KLF12: variants seen among roughly 807,000 people sequenced by gnomAD.
The protein encoded by KLF12 is Krueppel-like factor 12.
KLF12 carries 9 observed loss-of-function variants against 37.8 expected under a neutral mutation model. That is an observed-to-expected ratio of 0.24 (90% confidence interval 0.14 to 0.42). KLF12 has a LOEUF of 0.42. Among genes scored for constraint, KLF12 ranks in the 10% least tolerant of loss-of-function variants. The pLI is 1.00. For synonymous variants in KLF12, 208 were observed against 202.1 expected (o/e 1.03, Z -0.25); for missense variants, 411 against 516.0 (o/e 0.80, Z 1.97).
At chr13:74,201,623 A>C in the KLF12 span, among the ~76,000 whole-genome samples, 2 of 152,232 alleles carry the variant, frequency 1.3e-5, no homozygotes, top group South Asian at 2.1e-4. Flanking sequence ...TTGAATCCTC[A>C]TGATGAACCT....
chr13:73,818,767 G>C (rs1443239496), intron 4 of KLF12, among the ~76,000 whole-genome samples: 1 of 152,254 alleles, frequency 6.6e-6, no homozygotes, highest in African/African-American at 2.4e-5. Context: ...GGAGAGGAGA[G>C]GGCCATACAC....
At chr13:74,284,500 A>G in the KLF12 span, among the ~76,000 whole-genome samples, 1 of 152,110 alleles carries the variant, frequency 6.6e-6, no homozygotes, top group Non-Finnish European at 1.5e-5. Context: ...CCATTGGCCC[A>G]CTCTGCTAAG....
intron 5 of KLF12, among the ~76,000 whole-genome samples, chr13:73,780,242 T>C (rs1159744315): frequency 6.6e-6 from 1 of 152,190 alleles, no homozygotes; most frequent in Non-Finnish European, 1.5e-5. Flanking sequence ...TCTTTTTTCT[T>C]TTTTAAAAAT....
chr13:74,302,806 A>T, the KLF12 span, among the ~76,000 whole-genome samples: 1 of 152,052 alleles, frequency 6.6e-6, no homozygotes, highest in Non-Finnish European at 1.5e-5. Flanking sequence ...TTCTAAAAGG[A>T]GAGGGGAAAT....
chr13:73,767,970 T>A (rs1229915161), intron 5 of KLF12, among the ~76,000 whole-genome samples: 1 of 152,152 alleles, frequency 6.6e-6, no homozygotes, highest in Non-Finnish European at 1.5e-5. Flanking sequence ...TCAGCACTCA[T>A]GAATTGCTGG....
chr13:73,939,684 A>G (rs750739187), intron 3 of KLF12, among the ~76,000 whole-genome samples: 1 of 152,230 alleles, frequency 6.6e-6, no homozygotes, highest in Non-Finnish European at 1.5e-5. Flanking sequence ...GTACCCACCA[A>G]AGGCAGGCAG....
At chr13:74,198,483 C>T in the KLF12 span, among the ~76,000 whole-genome samples, 1 of 151,514 alleles carries the variant, frequency 6.6e-6, no homozygotes, top group Non-Finnish European at 1.5e-5. Flanking sequence ...CTGTAATCCT[C>T]TGTTAGACCT....
chr13:73,794,376 G>A (rs1881849843), intron 5 of KLF12, among the ~76,000 whole-genome samples: 1 of 152,166 alleles, frequency 6.6e-6, no homozygotes, highest in Non-Finnish European at 1.5e-5. Flanking sequence ...TATGAGAATC[G>A]CTTGAACCCA....
chr13:74,264,183 A>T, the KLF12 span, among the ~76,000 whole-genome samples: 1 of 152,298 alleles, frequency 6.6e-6, no homozygotes, highest in East Asian at 1.9e-4. Flanking sequence ...CAATTTGCTG[A>T]TGTTGAATAA....
At chr13:73,830,967 C>T (rs1186762384) in intron 4 of KLF12, among the ~76,000 whole-genome samples, 1 of 149,510 alleles carries the variant, frequency 6.7e-6, no homozygotes, top group Non-Finnish European at 1.5e-5. Flanking sequence ...TATTTAGCAA[C>T]ATGGAATTAC....
At chr13:73,726,030 A>G (rs550735963) in intron 6 of KLF12, among the ~76,000 whole-genome samples, 17 of 151,864 alleles carry the variant, frequency 1.1e-4, no homozygotes, top group Non-Finnish European at 2.5e-4. Flanking sequence ...CACCATGCCC[A>G]GCTAATTTTG....
chr13:73,838,043 C>T (rs535268181), intron 4 of KLF12, among the ~76,000 whole-genome samples: 1 of 152,250 alleles, frequency 6.6e-6, no homozygotes, highest in East Asian at 1.9e-4. Context: ...GAAACAAAGA[C>T]ACCAACAAGT....
At chr13:74,173,786 C>G in the KLF12 span, among the ~76,000 whole-genome samples, 4 of 152,178 alleles carry the variant, frequency 2.6e-5, no homozygotes, top group African/African-American at 9.7e-5. Context: ...TATGGCAATA[C>G]TGAAGATGAG....
chr13:73,866,887 G>T (rs9543478), intron 3 of KLF12, among the ~76,000 whole-genome samples: 8 of 139,688 alleles, frequency 5.7e-5, no homozygotes, highest in South Asian at 2.3e-4. Flanking sequence ...GGGCAAAAAG[G>T]GGGGGGGGAA....
intron 2 of KLF12, chr13:73,962,022 T>G (rs1392430037): frequency 2.2e-6 from 1 of 454,858 alleles, no homozygotes; most frequent in South Asian, 1.6e-5. Flanking sequence ...ATTATGTCCA[T>G]GCAACCTTTA....
At chr13:73,735,127 T>C (rs909302630) in intron 6 of KLF12, among the ~76,000 whole-genome samples, 24 of 59,266 alleles carry the variant, frequency 4.0e-4, no homozygotes, top group Non-Finnish European at 6.2e-4. Context: ...ACCTCTACTA[T>C]TAAAAAAAAA....
At chr13:73,715,569 C>T (rs1466058803) in intron 6 of KLF12, 44 bp from the exon 7 acceptor site, 2 of 1,587,548 alleles carry the variant, frequency 1.3e-6, no homozygotes, top group Non-Finnish European at 1.7e-6. Flanking sequence ...ATGCACACCG[C>T]CCCATTTTGG....
chr13:73,968,813 T>A (rs4885139), intron 2 of KLF12, among the ~76,000 whole-genome samples: 127,259 of 152,038 alleles, frequency 0.84, 53,955 homozygotes, highest in Middle Eastern at 0.93. Flanking sequence ...CCAAGTCCAC[T>A]TCTCTTCTCC....
intron 3 of KLF12, among the ~76,000 whole-genome samples, chr13:73,939,418 T>C (rs2139340030): frequency 6.6e-6 from 1 of 152,324 alleles, no homozygotes; most frequent in Middle Eastern, 3.4e-3. Flanking sequence ...TTATTGACAT[T>C]ATTTTTTGTG....
Sources: allele counts gnomAD v4.1 joint callset (sites outside exome capture counted in the v4.1 genomes callset), GRCh38; gene constraint gnomAD v4.1.1; transcripts MANE v1.5; gene names NCBI Gene and HGNC (gene_info 2026-07-23, HGNC 2026-07-21).